MIPEP: variants seen among roughly 807,000 people sequenced by gnomAD.
The protein encoded by MIPEP is mitochondrial intermediate peptidase.
A neutral mutation model predicts 90.3 loss-of-function variants in MIPEP; 79 were observed. That is an observed-to-expected ratio of 0.87 (90% CI 0.73 to 1.05). The LOEUF (loss-of-function observed/expected upper bound fraction) is 1.05, where lower values mean the gene tolerates loss of function less well. Among genes scored for constraint, MIPEP ranks in the 50% least tolerant of loss-of-function variants. The pLI, the probability that MIPEP is intolerant of heterozygous loss-of-function variation, is 0.00. For synonymous variants in MIPEP, 334 were observed against 315.8 expected, an observed-to-expected ratio of 1.06 and a Z score of -0.61; for missense variants, 940 against 905.6, an observed-to-expected ratio of 1.04 and a Z score of -0.49.
At chr13:23,787,378 GAGAGCA>G (rs780121612) in intron 16 of MIPEP, among the ~76,000 whole-genome samples, 2 of 148,618 alleles carry the variant, frequency 1.3e-5, no homozygotes, top group Non-Finnish European at 3.0e-5. Context: ...TGGGGGGAGA[GAGAGCA>G]AGAGCAAGAG....
intron 16 of MIPEP, among the ~76,000 whole-genome samples, chr13:23,793,969 G>A (rs1057373360): frequency 2.0e-5 from 3 of 152,060 alleles, no homozygotes; most frequent in Non-Finnish European, 4.4e-5. Context: ...GCCATTGAGG[G>A]TTTTAAGGGA....
intron 16 of MIPEP, among the ~76,000 whole-genome samples, chr13:23,762,136 A>C (rs1952553030): frequency 6.6e-6 from 1 of 152,030 alleles, no homozygotes; most frequent in Admixed American, 6.5e-5. Context: ...AAAAATAATA[A>C]TAATTAAAAA....
Position 23,878,139 on chromosome 13 carries a change from T to C in MIPEP, c.539+1129A>G, listed in dbSNP as rs563240861. On this transcript the variant is annotated intron_variant, in intron 4 of 18. Transcript: ENST00000382172. ...AACCTTCTATTTTTAACATTGTTTG[T>C]TGTTATGTAAAGTCAGTACCAGTTC... 2.2e-3 allele frequency among the ~76,000 whole-genome samples: 329 copies of C among 152,356 alleles called. 1 individual carries two copies. Among genetic ancestry groups the C allele is most frequent in the African/African-American group, 7.6e-3 (315 of 41,578 alleles).
intron 18 of MIPEP, among the ~76,000 whole-genome samples, chr13:23,747,898 GC>G (rs1047304859): frequency 2.6e-5 from 4 of 151,980 alleles, no homozygotes; most frequent in African/African-American, 9.7e-5. Context: ...ATGCCACCAT[GC>G]CCAGCTAATT....
At chr13:23,762,030 C>T (rs1227184694) in intron 16 of MIPEP, among the ~76,000 whole-genome samples, 1 of 152,110 alleles carries the variant, frequency 6.6e-6, no homozygotes, top group Non-Finnish European at 1.5e-5. Flanking sequence ...GAAGCTGAAG[C>T]AGGAGAACTG....
chr13:23,756,222 T>G (rs536161097), intron 18 of MIPEP, among the ~76,000 whole-genome samples: 6 of 152,250 alleles, frequency 3.9e-5, no homozygotes, highest in Non-Finnish European at 8.8e-5. Context: ...TGGCACGATT[T>G]CAGCTCACTG....
At chr13:23,876,099 T>G (rs1280585090) in intron 4 of MIPEP, among the ~76,000 whole-genome samples, 1 of 152,174 alleles carries the variant, frequency 6.6e-6, no homozygotes, top group Non-Finnish European at 1.5e-5. Flanking sequence ...TTCCAAGAAA[T>G]TAATCACAAA....
rs747050628 is a variant in MIPEP, at chr13:23,809,909, T to C, written c.1669A>G (p.Met557Val). Residue 557 changes from methionine (M) to valine (V), a missense_variant, in exon 15 of 19, where the codon ATG becomes GTG. Met to Val is a conservative substitution (Grantham distance 21). Transcript: ENST00000382172. ...YQTGQPLPKN[M>V]VSRLCESKKV... is the part of the protein sequence containing the mutation. ...TTAGATTCACAAAGACGAGACACCA[T>C]ATTTTTTGGCAGTGGCTTGATAAAA... is the stretch of plus-strand genomic sequence containing the variant. The C allele has an allele frequency of 2.5e-6, 4 of 1,613,292 alleles. No individual in the cohort carries two copies. The highest frequency in any genetic ancestry group is 1.3e-5 in the African/African-American group (1 of 74,916).
At chr13:23,873,906 T>C (rs1043598912) in intron 5 of MIPEP, among the ~76,000 whole-genome samples, 3 of 152,184 alleles carry the variant, frequency 2.0e-5, no homozygotes, top group Non-Finnish European at 4.4e-5. Context: ...AGGAATCACA[T>C]GCTGAACCTT....
At chr13:23,787,369 G>C (rs572759260) in intron 16 of MIPEP, among the ~76,000 whole-genome samples, 1 of 150,758 alleles carries the variant, frequency 6.6e-6, no homozygotes, top group Non-Finnish European at 1.5e-5. Flanking sequence ...ATGGTAGGGT[G>C]GGGGGAGAGA....
At chr13:23,831,600 TG>T (rs1868768922) in intron 14 of MIPEP, among the ~76,000 whole-genome samples, 1 of 152,056 alleles carries the variant, frequency 6.6e-6, no homozygotes, top group African/African-American at 2.4e-5. Flanking sequence ...CTGATGCATA[TG>T]TAAAGAGCAA....
chr13:23,810,551 G>A lies in MIPEP; in HGVS notation c.1654-627C>T, dbSNP rs113715738. Reference sequence around the variant, plus strand: ...ATCCTCTTAGAAATAAATTAATAATGTAGTTGAACAAGAACTTTCCTCAAT... The same window carrying A: ...ATCCTCTTAGAAATAAATTAATAATATAGTTGAACAAGAACTTTCCTCAAT... On this transcript the variant is annotated intron_variant, in intron 14 of 18. Coordinates refer to ENST00000382172, the MANE Select transcript of MIPEP (RefSeq NM_005932.4). 3.7e-3 allele frequency among the ~76,000 whole-genome samples: 562 copies of A among 152,304 alleles called. 1 individual carries two copies. The highest frequency in any genetic ancestry group is 7.2e-3 in the Non-Finnish European group (492 of 68,030).
At chr13:23,889,048 A>G (rs1477083224) in intron 1 of MIPEP, 84 bp downstream of exon 1, 2 of 1,250,728 alleles carry the variant, frequency 1.6e-6, no homozygotes, top group African/African-American at 1.6e-5. Flanking sequence ...GGCCCAAACA[A>G]TCTCGCCCTG....
intron 18 of MIPEP, among the ~76,000 whole-genome samples, chr13:23,756,287 TG>T (rs1952489969): frequency 6.6e-6 from 1 of 152,216 alleles, no homozygotes; most frequent in East Asian, 1.9e-4. Flanking sequence ...CCCGAGTAGC[TG>T]GGATTACAGG....
chr13:23,837,900 A>G, intron 12 of MIPEP, 144 bp from the exon 13 acceptor site: 2 of 587,450 alleles, frequency 3.4e-6, no homozygotes, highest in Non-Finnish European at 5.9e-6. Flanking sequence ...CTATTTACAT[A>G]TATACACCTT....
At chr13:23,872,377 C>A (rs925487627) in intron 5 of MIPEP, among the ~76,000 whole-genome samples, 3 of 152,226 alleles carry the variant, frequency 2.0e-5, no homozygotes, top group Admixed American at 2.0e-4. Flanking sequence ...AGAAGAATCG[C>A]TTGAACCCGG....
At position 23,787,616 on chromosome 13, in the gene MIPEP, T is replaced by A. The variant is rs191399960; in HGVS notation, c.1848+18334A>T. ...TGTTTTATCCAGGCAAATAACACACTTTCTCTTTCTCTCGTGTCCCCTACC... is the reference window on the plus strand; with the variant it reads ...TGTTTTATCCAGGCAAATAACACACATTCTCTTTCTCTCGTGTCCCCTACC... On this transcript the variant is annotated intron_variant, in intron 16 of 18. Coordinates refer to ENST00000382172, the MANE Select transcript of MIPEP (RefSeq NM_005932.4). 1.8e-3 allele frequency among the ~76,000 whole-genome samples: 278 copies of A among 152,300 alleles called. 2 individuals are homozygous for A. The highest frequency in any genetic ancestry group is 0.017 in the Admixed American group (254 of 15,300).
chr13:23,876,629 T>C (rs551790621), intron 4 of MIPEP, among the ~76,000 whole-genome samples: 1 of 152,270 alleles, frequency 6.6e-6, no homozygotes, highest in East Asian at 1.9e-4. Context: ...ATTTGAAAGG[T>C]CTCTTAACAT....
intron 14 of MIPEP, among the ~76,000 whole-genome samples, chr13:23,817,970 C>G (rs571815104): frequency 1.3e-5 from 2 of 149,698 alleles, no homozygotes; most frequent in South Asian, 4.1e-4. Flanking sequence ...AAAATGAAAG[C>G]AGAAAAATAA....
Sources: gnomAD v4.1 joint callset for allele counts (sites outside exome capture counted in the v4.1 genomes callset) on GRCh38, gnomAD v4.1.1 for gene constraint, MANE v1.5 for transcripts, NCBI Gene and HGNC (gene_info 2026-07-23, HGNC 2026-07-21) for gene names.